The following CNTN2 variants were observed in gnomAD, a reference collection of about 807,000 sequenced individuals.
CNTN2 encodes contactin 2, also known as contactin-2.
CNTN2 carries 53 observed loss-of-function variants against 117.5 expected under a neutral mutation model. The observed-to-expected ratio is 0.45, with a 90% confidence interval of 0.36 to 0.57. CNTN2 has a LOEUF of 0.57. Among genes scored for constraint, CNTN2 ranks in the 20% least tolerant of loss-of-function variants. The pLI is 0.00. For synonymous variants in CNTN2, 530 were observed against 561.7 expected, an observed-to-expected ratio of 0.94 and a Z score of 0.80; for missense variants, 1,106 against 1,404.3, an observed-to-expected ratio of 0.79 and a Z score of 3.39.
At position 205,072,477 on chromosome 1, in the gene CNTN2, T is replaced by A. The variant is rs1184172061; in HGVS notation, c.2732-6T>A. 6.2e-7 allele frequency: 1 copy of A among 1,613,226 alleles called. No homozygotes were observed. The highest frequency in any genetic ancestry group is 8.5e-7 in the Non-Finnish European group (1 of 1,179,372). ...GGACATCTCTCCAATTCTTCCTCTC[T>A]GGCAGCTCCGCGGCGACCTCCTGGC... On this transcript the variant is annotated splice_region_variant and splice_polypyrimidine_tract_variant and intron_variant, in intron 20 of 22. Transcript: ENST00000331830.
chr1:205,073,872 G>A lies in CNTN2; in HGVS notation c.*107G>A, dbSNP rs540630254. On this transcript the variant is annotated 3_prime_UTR_variant, in exon 23 of 23. Transcript: ENST00000331830. This position sits in a 1 kb window ranked among gnomAD's most constrained non-coding sequence, Gnocchi z 6.3. ...CTGACACTGTGCCAGAGAGTGGCTG[G>A]TTTTAAATACCTACTTTAAACAGTG... The A allele has an allele frequency of 8.8e-5, 74 of 842,454 alleles. No individual in the cohort carries two copies. In the African/African-American group the frequency reaches 9.7e-4, roughly 11 times the overall value. 52.2% of individuals were successfully genotyped at this position (842,454 alleles called of 1,614,324 possible).
chr1:205,069,773 C>T lies in CNTN2; in HGVS notation c.2197-54C>T, dbSNP rs1430474905. 1.8e-5 allele frequency: 28 copies of T among 1,563,750 alleles called. 1 individual carries two copies. Among genetic ancestry groups the T allele is most frequent in the African/African-American group, 8.1e-5 (6 of 74,130 alleles). On this transcript the variant is annotated intron_variant, in intron 17 of 22. Coordinates refer to ENST00000331830, the MANE Select transcript of CNTN2 (RefSeq NM_005076.5). ...GCAAAGGTTGGGTGGGGCCAGGGAA[C>T]GGGCAGGGACACATGCCGCGGACCC... is the stretch of plus-strand genomic sequence containing the variant.
At position 205,076,094 on chromosome 1, in the gene CNTN2, G is replaced by A. The variant is rs970363094; in HGVS notation, c.*2329G>A. On this transcript the variant is annotated 3_prime_UTR_variant, in exon 23 of 23. Coordinates refer to ENST00000331830, the MANE Select transcript of CNTN2 (RefSeq NM_005076.5). The stretch of plus-strand genomic sequence containing the variant: ...GCCAACGATAGTTACTCACAAGTAA[G>A]TACCTTAATGCTAATGAGGTCCACT... The A allele has an allele frequency of 5.9e-5, 9 of 152,182 alleles. No individual in the cohort carries two copies. Among genetic ancestry groups the A allele is most frequent in the African/African-American group, 2.2e-4 (9 of 41,426 alleles). The allele number at this position is 152,182 out of a possible 1,614,324, so 9.4% of individuals were successfully genotyped here. A position where few individuals can be genotyped will look rare whatever the true frequency, so the allele number is the denominator to read the frequency against.
At chr1:205,046,154 CTT>C (rs1454234465) in intron 1 of CNTN2, among the ~76,000 whole-genome samples, 1 of 152,118 alleles carries the variant, frequency 6.6e-6, no homozygotes, top group Non-Finnish European at 1.5e-5. Context: ...AGAGTAAGTC[CTT>C]TCTTAGTTTG....
chr1:205,057,901 G>C lies in CNTN2; in HGVS notation c.71-20G>C. On this transcript the variant is annotated intron_variant, in intron 2 of 22. Transcript: ENST00000331830. Reference sequence around the variant, plus strand: ...GCCAGGCCAAGGCTCTGAGGCATCTGGTGGTGTCATCACCTGCAGCTTGGA... The same window carrying C: ...GCCAGGCCAAGGCTCTGAGGCATCTCGTGGTGTCATCACCTGCAGCTTGGA... The C allele has an allele frequency of 6.2e-7, 1 of 1,610,782 alleles. No individual in the cohort carries two copies.
rs1301927811 is a variant in CNTN2 at position 205,059,841 on chromosome 1, CA to C, written c.797+160del. 1.6e-5 allele frequency: 10 copies of C among 624,194 alleles called. No homozygotes were observed. The Admixed American group carries it at 2.5e-4, about 15-fold the overall frequency. The allele number at this position is 624,194 out of a possible 1,614,324, so 38.7% of individuals were successfully genotyped here. ...TGGGTATCGACCACCACTCACTGGACAGTACCTCTCTGGGTGAGGCATCGCA... is the reference window on the plus strand; with the variant it reads ...TGGGTATCGACCACCACTCACTGGACGTACCTCTCTGGGTGAGGCATCGCA... On this transcript the variant is annotated intron_variant, in intron 7 of 22. Transcript: ENST00000331830. The surrounding 1 kb of genome is among the most constrained non-coding windows in gnomAD (Gnocchi z 5.6).
At chr1:205,067,941 A>C (rs1654387714) in intron 16 of CNTN2, 1 of 151,810 alleles carries the variant, frequency 6.6e-6, no homozygotes, top group South Asian at 2.0e-4. Context: ...AAAAAAAAAA[A>C]AAAAAAAAAA....
chr1:205,064,591 A>C, intron 11 of CNTN2, 32 bp from the exon 12 acceptor site: 3 of 1,610,294 alleles, frequency 1.9e-6, no homozygotes, highest in Non-Finnish European at 2.5e-6. Flanking sequence ...ACCATGCCTG[A>C]GTTGGCCACA....
Position 205,064,746 on chromosome 1 carries a change from G to C in CNTN2, c.1515G>C (p.Val505=), listed in dbSNP as rs754347209. The change falls in exon 12 of 23, where the codon GTG becomes GTC. Residue 505 remains valine, a synonymous_variant. Transcript: ENST00000331830. ...CCAACAGCACTGGAATCCTATCTGT[G>C]CGAGGTGAGGGCTGCCATGTGGGTA... The part of the protein sequence containing the change: ...GKANSTGILS[V]RDATKITLAP... 1 of 1,613,936 alleles carries C rather than the reference G, an allele frequency of 6.2e-7. No homozygotes were observed. Among genetic ancestry groups the C allele is most frequent in the Non-Finnish European group, 8.5e-7 (1 of 1,179,980 alleles).
intron 1 of CNTN2, among the ~76,000 whole-genome samples, chr1:205,050,626 A>ATT (rs34368788): frequency 0.012 from 1,803 of 151,464 alleles, 43 homozygotes; most frequent in African/African-American, 0.041. Context: ...TTCTGAGTAC[A>ATT]TTTTTTTTTG....
At chr1:205,053,056 G>C (rs1574634475) in intron 1 of CNTN2, 44 bp from the exon 2 acceptor site, 3 of 571,944 alleles carry the variant, frequency 5.2e-6, no homozygotes, top group East Asian at 3.1e-5. Context: ...AGCTGGGAGG[G>C]GCGCTCCTCG....
chr1:205,049,661 C>T (rs2151183209), intron 1 of CNTN2, among the ~76,000 whole-genome samples: 1 of 152,320 alleles, frequency 6.6e-6, no homozygotes, highest in East Asian at 1.9e-4. Context: ...CAGGCCAGCA[C>T]CCTGCCCCCA....
chr1:205,049,707 A>G (rs11240343), intron 1 of CNTN2, among the ~76,000 whole-genome samples: 33,409 of 152,190 alleles, frequency 0.22, 4,592 homozygotes, highest in East Asian at 0.64. Context: ...GCAAAGAGCA[A>G]GGAGCAAATG....
At chr1:205,057,635 T>G in intron 2 of CNTN2, 3 of 285,624 alleles carry the variant, frequency 1.1e-5, no homozygotes, top group Non-Finnish European at 6.5e-6. Flanking sequence ...AAGTGTAGGA[T>G]GGGTGATTGA....
At chr1:205,063,365 C>G (rs1267162688) in intron 10 of CNTN2, 1 of 152,168 alleles carries the variant, frequency 6.6e-6, no homozygotes, top group Non-Finnish European at 1.5e-5. Flanking sequence ...GTGGCTCATG[C>G]CTGTGTAATC....
rs1574666149 is a variant in CNTN2 at position 205,074,145 on chromosome 1, C to A, written c.*380C>A. On this transcript the variant is annotated 3_prime_UTR_variant, in exon 23 of 23. Coordinates refer to ENST00000331830, the MANE Select transcript of CNTN2 (RefSeq NM_005076.5). Reference sequence around the variant, plus strand: ...CGGACTCCGCCACTTGAGAGCAGTCCTAGGCCCGGCAGGAACACCAGACAT... The same window carrying A: ...CGGACTCCGCCACTTGAGAGCAGTCATAGGCCCGGCAGGAACACCAGACAT... 4 of 487,768 alleles carry A rather than the reference C, an allele frequency of 8.2e-6. No individual in the cohort carries two copies. In the East Asian group the frequency reaches 1.2e-4, roughly 14 times the overall value. 30.2% of individuals were successfully genotyped at this position (487,768 alleles called of 1,614,324 possible). A position where few individuals can be genotyped will look rare whatever the true frequency, so the allele number is the denominator to read the frequency against.
chr1:205,069,911 G>T lies in CNTN2; in HGVS notation c.2281G>T (p.Ala761Ser), dbSNP rs750025068. ...RRQGSTHWQTARVPGADAQYF... is the reference protein window; with the variant it reads ...RRQGSTHWQTSRVPGADAQYF... ...GCAGGGCAGCACTCACTGGCAGACC[G>T]CCCGGGTGCCTGGCGCCGATGCCCA... The change falls in exon 18 of 23, where the codon GCC becomes TCC. Residue 761 changes from alanine (A) to serine (S), a missense_variant. Transcript: ENST00000331830. The T allele has an allele frequency of 1.2e-6, 2 of 1,613,782 alleles. No individual in the cohort carries two copies. Among genetic ancestry groups the T allele is most frequent in the Non-Finnish European group, 1.7e-6 (2 of 1,180,010 alleles).
intron 1 of CNTN2, among the ~76,000 whole-genome samples, chr1:205,052,140 C>T (rs995198171): frequency 6.6e-6 from 1 of 152,146 alleles, no homozygotes; most frequent in African/African-American, 2.4e-5. Context: ...GCAGAATCTG[C>T]AGCCGGGCTC....
chr1:205,046,131 C>G (rs778505366), intron 1 of CNTN2, among the ~76,000 whole-genome samples: 10 of 152,142 alleles, frequency 6.6e-5, no homozygotes, highest in Non-Finnish European at 1.3e-4. Flanking sequence ...CGTATCCTGA[C>G]GGTAACCATC....
Sources: gnomAD v4.1 joint callset for allele counts (sites outside exome capture counted in the v4.1 genomes callset) on GRCh38, gnomAD v4.1.1 for gene constraint, Gnocchi (gnomAD v3.1) non-coding constraint, MANE v1.5 for transcripts, NCBI Gene and HGNC (gene_info 2026-07-23, HGNC 2026-07-21) for gene names.